Variants in PIK3CB observed in about 807,000 individuals in gnomAD.
PIK3CB encodes phosphatidylinositol-4,5-bisphosphate 3-kinase catalytic subunit beta.
A neutral mutation model predicts 136.8 loss-of-function variants in PIK3CB; 39 were observed. The ratio of observed to expected loss-of-function variants is 0.29; its 90% CI spans 0.22 to 0.37. The LOEUF is 0.37. Ranked by LOEUF, PIK3CB falls within the 10% of genes least tolerant of loss-of-function variation. The probability of loss-of-function intolerance (pLI) is 1.00; values close to 1 mark genes in which losing one functional copy is unlikely to be tolerated. For missense variants in PIK3CB, 868 were observed against 1,275.4 expected (o/e 0.68, Z 4.87); for synonymous variants, 428 against 436.6 (o/e 0.98, Z 0.25).
chr3:138,834,608 C>T (rs1934188354), intron 1 of PIK3CB, 87 bp downstream of exon 1: 2 of 152,898 alleles, frequency 1.3e-5, no homozygotes, highest in African/African-American at 4.8e-5. Context: ...GAACGCACCG[C>T]CAGCACGCCC....
intron 2 of PIK3CB, among the ~76,000 whole-genome samples, chr3:138,772,324 G>T (rs933456618): frequency 6.6e-6 from 1 of 152,082 alleles, no homozygotes; most frequent in African/African-American, 2.4e-5. Flanking sequence ...TTTATTCAAC[G>T]TGCCTTTAAT....
chr3:138,692,361 G>A (rs530556071), intron 14 of PIK3CB, among the ~76,000 whole-genome samples: 1 of 152,150 alleles, frequency 6.6e-6, no homozygotes, highest in Non-Finnish European at 1.5e-5. Context: ...CGGAATACAC[G>A]GATCACTGCC....
At chr3:138,823,006 C>A (rs1933630189) in intron 1 of PIK3CB, among the ~76,000 whole-genome samples, 1 of 148,578 alleles carries the variant, frequency 6.7e-6, no homozygotes, top group Admixed American at 6.8e-5. Flanking sequence ...CTGCAGCCTC[C>A]GCCTCCTGGG....
chr3:138,827,720 CTG>C (rs1385794919), intron 1 of PIK3CB, among the ~76,000 whole-genome samples: 1 of 151,444 alleles, frequency 6.6e-6, no homozygotes, highest in African/African-American at 2.4e-5. Flanking sequence ...GGGCTCACAC[CTG>C]TAATCCCAGG....
Position 138,674,182 on chromosome 3 carries a change from A to G in PIK3CB, c.2504+7785T>C, listed in dbSNP as rs1256866471. Among the ~76,000 whole-genome samples the G allele has an allele frequency of 3.9e-5, 6 of 152,100 alleles. No individual in the cohort carries two copies. In the South Asian group the frequency reaches 1.2e-3, roughly 32 times the overall value. On this transcript the variant is annotated intron_variant, in intron 19 of 23. Coordinates refer to ENST00000674063, the MANE Select transcript of PIK3CB (RefSeq NM_006219.3). ...GGTAGGAATCTAGAAGGCCGTGTGC[A>G]TGGATACTATTGTGGATTCCCAGGT...
At chr3:138,749,794 G>A (rs1340145667) in intron 4 of PIK3CB, among the ~76,000 whole-genome samples, 1 of 152,132 alleles carries the variant, frequency 6.6e-6, no homozygotes, top group African/African-American at 2.4e-5. Flanking sequence ...TTGATTTAAG[G>A]TGACTTTCCT....
intron 19 of PIK3CB, among the ~76,000 whole-genome samples, chr3:138,677,493 C>A (rs184733234): frequency 6.6e-6 from 1 of 151,956 alleles, no homozygotes; most frequent in African/African-American, 2.4e-5. Flanking sequence ...TTCACTGTAA[C>A]GAATAATATA....
At chr3:138,824,458 C>T (rs1210511840) in intron 1 of PIK3CB, among the ~76,000 whole-genome samples, 4 of 152,110 alleles carry the variant, frequency 2.6e-5, no homozygotes, top group Non-Finnish European at 2.9e-5. Flanking sequence ...AAAGGGTCAA[C>T]CTCAGGTGAT....
At chr3:138,710,665 T>C (rs1333510947) in intron 10 of PIK3CB, among the ~76,000 whole-genome samples, 1 of 152,182 alleles carries the variant, frequency 6.6e-6, no homozygotes, top group Non-Finnish European at 1.5e-5. Context: ...GCTTCACTTA[T>C]CTGTAAAAAT....
At chr3:138,746,427 G>A (rs901210272) in intron 4 of PIK3CB, among the ~76,000 whole-genome samples, 35 of 152,110 alleles carry the variant, frequency 2.3e-4, no homozygotes, top group Non-Finnish European at 4.4e-4. Flanking sequence ...TTGGGAGGCC[G>A]AGGAGGGCGG....
chr3:138,675,515 C>A (rs762478385), intron 19 of PIK3CB, among the ~76,000 whole-genome samples: 1 of 152,040 alleles, frequency 6.6e-6, no homozygotes, highest in Non-Finnish European at 1.5e-5. Flanking sequence ...ATATTATAAT[C>A]GAACTGTCAA....
At chr3:138,714,741 C>T (rs1553727335) in intron 8 of PIK3CB, 22 bp from the exon 9 acceptor site, 8 of 1,562,574 alleles carry the variant, frequency 5.1e-6, no homozygotes, top group Non-Finnish European at 6.0e-6. Flanking sequence ...CAGACAAAAA[C>T]AAAAACAAAG....
At chr3:138,722,217 AAG>A (rs1311914724) in intron 8 of PIK3CB, among the ~76,000 whole-genome samples, 6 of 71,250 alleles carry the variant, frequency 8.4e-5, no homozygotes, top group African/African-American at 3.1e-4. Flanking sequence ...TGTGCTATGT[AAG>A]AGACACACAC....
At chr3:138,714,781 C>T (rs1553727360) in intron 8 of PIK3CB, 62 bp from the exon 9 acceptor site, 1 of 1,386,586 alleles carries the variant, frequency 7.2e-7, no homozygotes, top group Non-Finnish European at 9.7e-7. Context: ...AAAAACATCT[C>T]TTTTTGTTTG....
At chr3:138,669,460 T>G in intron 19 of PIK3CB, among the ~76,000 whole-genome samples, 2 of 147,654 alleles carry the variant, frequency 1.4e-5, no homozygotes, top group Admixed American at 6.8e-5. Flanking sequence ...ACTCCATTAG[T>G]GTAATTCAGA....
chr3:138,747,162 C>T (rs2045378668), intron 4 of PIK3CB, among the ~76,000 whole-genome samples: 1 of 132,834 alleles, frequency 7.5e-6, no homozygotes, highest in Non-Finnish European at 1.6e-5. Context: ...AACTCCTGGG[C>T]TTAAGCAATC....
chr3:138,817,171 T>C (rs1224790351), intron 1 of PIK3CB, among the ~76,000 whole-genome samples: 1 of 152,034 alleles, frequency 6.6e-6, no homozygotes, highest in African/African-American at 2.4e-5. Flanking sequence ...ACCCCGTCTC[T>C]ACTAAAAATA....
intron 2 of PIK3CB, among the ~76,000 whole-genome samples, chr3:138,788,260 G>T (rs2108806267): frequency 6.6e-6 from 1 of 152,208 alleles, no homozygotes; most frequent in East Asian, 1.9e-4. Context: ...CCTTGTAGCA[G>T]AGCATAAGGA....
chr3:138,804,829 C>A (rs1232654673), intron 1 of PIK3CB, among the ~76,000 whole-genome samples: 3 of 152,030 alleles, frequency 2.0e-5, no homozygotes, highest in Non-Finnish European at 4.4e-5. Context: ...TCAAGACCAT[C>A]CTGGCTAACA....
Sources: gnomAD v4.1 joint callset for allele counts (sites outside exome capture counted in the v4.1 genomes callset) on GRCh38, gnomAD v4.1.1 for gene constraint, MANE v1.5 for transcripts, NCBI Gene and HGNC (gene_info 2026-07-23, HGNC 2026-07-21) for gene names.